SAMSN1: variants seen among roughly 807,000 people sequenced by gnomAD.
SAMSN1 encodes SAM domain, SH3 domain and nuclear localization signals 1, also known as SAM domain-containing protein SAMSN-1.
In SAMSN1, 31 loss-of-function variants were observed where a neutral mutation model predicts 42.0. The observed-to-expected ratio is 0.74, with a 90% CI of 0.55 to 1.00. The LOEUF (loss-of-function observed/expected upper bound fraction) is 1.00, where lower values mean the gene tolerates loss of function less well. Ranked by LOEUF, SAMSN1 falls within the 50% of genes least tolerant of loss-of-function variation. The pLI is 0.00. For synonymous variants in SAMSN1, 178 were observed against 151.9 expected, an observed-to-expected ratio of 1.17 and a Z score of -1.26; for missense variants, 464 against 439.4, an observed-to-expected ratio of 1.06 and a Z score of -0.50.
intron 7 of SAMSN1, among the ~76,000 whole-genome samples, chr21:14,487,189 C>T (rs1215033490): frequency 1.3e-5 from 2 of 152,136 alleles, no homozygotes; most frequent in South Asian, 2.1e-4. Context: ...AGAACTCTGC[C>T]TACAGAGGCT....
intron 3 of SAMSN1, among the ~76,000 whole-genome samples, chr21:14,514,001 C>T (rs759398109): frequency 1.3e-5 from 2 of 152,166 alleles, no homozygotes; most frequent in Non-Finnish European, 2.9e-5. Flanking sequence ...TACTGACAGT[C>T]CCAGGACTGC....
intron 7 of SAMSN1, among the ~76,000 whole-genome samples, chr21:14,589,924 G>A (rs898483823): frequency 6.6e-6 from 1 of 152,064 alleles, no homozygotes; most frequent in Non-Finnish European, 1.5e-5. Flanking sequence ...TCTTCAACAG[G>A]AGAAATGGAG....
chr21:14,580,137 G>A (rs565484466), intron 2 of SAMSN1, among the ~76,000 whole-genome samples: 1 of 131,302 alleles, frequency 7.6e-6, no homozygotes, highest in East Asian at 2.0e-4. Flanking sequence ...AGGGATGATG[G>A]GATGGGTTCT....
At chr21:14,570,143 T>C (rs1981253539) in intron 2 of SAMSN1, among the ~76,000 whole-genome samples, 1 of 152,102 alleles carries the variant, frequency 6.6e-6, no homozygotes. Flanking sequence ...TCTGATTTCT[T>C]GCCAAATCAT....
chr21:14,631,974 G>T (rs1420625766), intron 2 of SAMSN1, among the ~76,000 whole-genome samples: 1 of 151,996 alleles, frequency 6.6e-6, no homozygotes, highest in Non-Finnish European at 1.5e-5. Flanking sequence ...AGGAAGGGAA[G>T]GAAAAAAACT....
chr21:14,504,819 A>G (rs889510540), intron 5 of SAMSN1, among the ~76,000 whole-genome samples: 6 of 152,230 alleles, frequency 3.9e-5, no homozygotes, highest in African/African-American at 1.2e-4. Flanking sequence ...AAGTTAAGAC[A>G]AAGGAAAGAA....
At chr21:14,646,300 C>T (rs914509211) in intron 1 of SAMSN1, among the ~76,000 whole-genome samples, 6 of 152,224 alleles carry the variant, frequency 3.9e-5, no homozygotes, top group Middle Eastern at 3.4e-3. Flanking sequence ...TACAATTGAG[C>T]GCCTATATGT....
intron 2 of SAMSN1, among the ~76,000 whole-genome samples, chr21:14,569,983 T>C (rs903841586): frequency 5.3e-5 from 6 of 113,316 alleles, no homozygotes; most frequent in African/African-American, 2.4e-4. Context: ...TTTAACCACT[T>C]TCCCCCCCCC....
chr21:14,584,441 G>T (rs1222372388), upstream of SAMSN1, among the ~76,000 whole-genome samples: 3 of 152,106 alleles, frequency 2.0e-5, no homozygotes, highest in African/African-American at 7.2e-5. Context: ...TTGCATTAAT[G>T]ACTCTTGTTT....
chr21:14,627,423 T>C lies in SAMSN1; in HGVS notation c.157-11407A>G, dbSNP rs145320798. Among the ~76,000 whole-genome samples, 126 of 152,346 alleles carry C rather than the reference T, an allele frequency of 8.3e-4. 2 individuals carry two copies. The South Asian group carries it at 0.011, about 13-fold the overall frequency. ...CAAATTTTACTTCCTCATAGACTCCTGGAAAACAAAAGGACTCTCTTGTTC... is the reference window on the plus strand; with the variant it reads ...CAAATTTTACTTCCTCATAGACTCCCGGAAAACAAAAGGACTCTCTTGTTC... On this transcript the variant is annotated intron_variant, in intron 2 of 15. Coordinates refer to the SAMSN1 transcript ENST00000647101.
intron 2 of SAMSN1, among the ~76,000 whole-genome samples, chr21:14,519,825 T>G (rs1162551347): frequency 6.6e-6 from 1 of 152,176 alleles, no homozygotes; most frequent in East Asian, 1.9e-4. Context: ...TTCAGTTTTC[T>G]TAGTAGACAC....
In SAMSN1 at chr21:14,498,424, G is replaced by A. The variant is rs1986998645; in HGVS notation, c.919+18C>T. 6.3e-7 allele frequency: 1 copy of A among 1,592,590 alleles called. No individual in the cohort carries two copies. Among genetic ancestry groups the A allele is most frequent in the African/African-American group, 1.4e-5 (1 of 73,396 alleles). ...AACTGATTATCAGCTGGGGAGAAGA[G>A]TAGGTGTACACACTTACTTTCTTCT... On this transcript the variant is annotated intron_variant, in intron 7 of 7. Coordinates refer to ENST00000400566, the MANE Select transcript of SAMSN1 (RefSeq NM_022136.5).
intron 2 of SAMSN1, among the ~76,000 whole-genome samples, chr21:14,580,167 T>G (rs1318352787): frequency 6.6e-6 from 1 of 152,190 alleles, no homozygotes; most frequent in Non-Finnish European, 1.5e-5. Context: ...AATTCACATA[T>G]CAGGCAGAGG....
At chr21:14,636,508 C>T (rs1983470361) in intron 2 of SAMSN1, among the ~76,000 whole-genome samples, 1 of 152,170 alleles carries the variant, frequency 6.6e-6, no homozygotes, top group African/African-American at 2.4e-5. Context: ...ATCTCATCTT[C>T]CTCATTGGTA....
upstream of SAMSN1, among the ~76,000 whole-genome samples, chr21:14,546,791 C>A (rs1489076492): frequency 6.6e-6 from 1 of 151,994 alleles, no homozygotes; most frequent in Non-Finnish European, 1.5e-5. Flanking sequence ...CTCACTGCAA[C>A]CTCCACCTCC....
In SAMSN1 at chr21:14,615,025, G is replaced by A. The variant is rs551939562; in HGVS notation, c.197+951C>T. The stretch of plus-strand genomic sequence containing the variant: ...GCGGAAGCATCAATCATAAGCAAAC[G>A]GCTACTATTTTGTTTAAGTACGTTC... On this transcript the variant is annotated intron_variant, in intron 3 of 15. Transcript: ENST00000647101. 5.3e-5 allele frequency among the ~76,000 whole-genome samples: 8 copies of A among 152,082 alleles called. No individual in the cohort carries two copies. In the East Asian group the frequency reaches 1.5e-3, roughly 29 times the overall value.
chr21:14,491,910 T>C lies in SAMSN1; in HGVS notation c.920-5796A>G, dbSNP rs137939426. 9.1e-4 allele frequency among the ~76,000 whole-genome samples: 138 copies of C among 152,352 alleles called. 1 individual carries two copies. The highest frequency in any genetic ancestry group is 2.8e-3 in the African/African-American group (117 of 41,582). On this transcript the variant is annotated intron_variant, in intron 7 of 7. Transcript: ENST00000400566. ...ACTTTTGACAAAAATAGGAATACTG[T>C]GCATATTAGTGATCTACAATTTGCT...
chr21:14,647,613 C>A (rs1983742677), intron 1 of SAMSN1, among the ~76,000 whole-genome samples: 1 of 135,584 alleles, frequency 7.4e-6, no homozygotes, highest in African/African-American at 2.6e-5. Flanking sequence ...TCTTCCTAAC[C>A]ATGAGCATGG....
At chr21:14,551,999 G>A (rs540400592) in intron 2 of SAMSN1, among the ~76,000 whole-genome samples, 2 of 152,202 alleles carry the variant, frequency 1.3e-5, no homozygotes, top group Admixed American at 1.3e-4. Flanking sequence ...TAAGGGCTAG[G>A]GGGAGGGTAA....
Sources: allele counts gnomAD v4.1 joint callset (sites outside exome capture counted in the v4.1 genomes callset), GRCh38; gene constraint gnomAD v4.1.1; transcripts MANE v1.5; gene names NCBI Gene and HGNC (gene_info 2026-07-23, HGNC 2026-07-21).